Variants in GRM1 observed in about 807,000 individuals in gnomAD.
GRM1 encodes glutamate metabotropic receptor 1.
A neutral mutation model predicts 90.9 loss-of-function variants in GRM1; 33 were observed. The observed-to-expected ratio is 0.36, with a 90% CI of 0.28 to 0.49. GRM1 has a LOEUF of 0.49. Ranked by LOEUF, GRM1 falls within the 20% of genes least tolerant of loss-of-function variation. The probability of loss-of-function intolerance (pLI) is 0.99; values close to 1 mark genes in which losing one functional copy is unlikely to be tolerated. For missense variants in GRM1, 1,190 were observed against 1,534.3 expected, an observed-to-expected ratio of 0.78 and a Z score of 3.75; for synonymous variants, 700 against 613.2, an observed-to-expected ratio of 1.14 and a Z score of -2.09.
At chr6:146,379,121 A>G (rs932325043) in intron 5 of GRM1, among the ~76,000 whole-genome samples, 3 of 152,106 alleles carry the variant, frequency 2.0e-5, no homozygotes, top group East Asian at 3.9e-4. Flanking sequence ...ATCTTACTCT[A>G]TATTTGGGAA....
At chr6:146,221,294 A>G (rs139982336) in intron 2 of GRM1, among the ~76,000 whole-genome samples, 1 of 152,190 alleles carries the variant, frequency 6.6e-6, no homozygotes, top group Non-Finnish European at 1.5e-5. Flanking sequence ...TGCACTCACC[A>G]ACCAATCCGT....
intron 2 of GRM1, among the ~76,000 whole-genome samples, chr6:146,169,259 A>C (rs1024730962): frequency 6.6e-6 from 1 of 152,112 alleles, no homozygotes; most frequent in African/African-American, 2.4e-5. Context: ...TTTCATCTCT[A>C]AAAGTTATAC....
rs1453368119 is a variant in GRM1 at position 146,140,137 on chromosome 6, CT to C, written c.701-19208del. On this transcript the variant is annotated intron_variant, in intron 1 of 7. Transcript: ENST00000282753. ...TCTTTCTTTCTTTCTTTCTTTCTTT[CT>C]TTCCTTCCTTCCTTCTTTCTCCTTC... 5.1e-4 allele frequency among the ~76,000 whole-genome samples: 63 copies of C among 122,778 alleles called. No homozygotes were observed. The East Asian group carries it at 5.2e-3, about 10-fold the overall frequency. The allele number at this position is 122,778 out of a possible 152,430, so 80.5% of individuals were successfully genotyped here.
intron 5 of GRM1, among the ~76,000 whole-genome samples, chr6:146,374,973 T>C (rs146810688): frequency 3.0e-4 from 46 of 152,140 alleles, no homozygotes; most frequent in African/African-American, 1.1e-3. Flanking sequence ...TCATTTAAAG[T>C]TTTTTTCTCT....
At chr6:146,080,155 G>A (rs919456256) in intron 1 of GRM1, among the ~76,000 whole-genome samples, 1 of 152,136 alleles carries the variant, frequency 6.6e-6, no homozygotes, top group Non-Finnish European at 1.5e-5. Context: ...CATTGGGGAT[G>A]GTGATTTGAC....
intron 1 of GRM1, among the ~76,000 whole-genome samples, chr6:146,043,903 T>A (rs1791225670): frequency 6.6e-6 from 1 of 151,090 alleles, no homozygotes; most frequent in African/African-American, 2.4e-5. Context: ...AGTTTTTTTT[T>A]AAACTGTGGA....
At chr6:146,059,061 ATCT>A (rs1286348867) in intron 1 of GRM1, among the ~76,000 whole-genome samples, 1 of 152,114 alleles carries the variant, frequency 6.6e-6, no homozygotes, top group African/African-American at 2.4e-5. Context: ...TTGAATTTTG[ATCT>A]TCTTTAGTGA....
chr6:146,366,815 G>T (rs1026033484), intron 5 of GRM1, among the ~76,000 whole-genome samples: 3 of 152,034 alleles, frequency 2.0e-5, no homozygotes, highest in Non-Finnish European at 2.9e-5. Flanking sequence ...TTGTTGAATG[G>T]ATAGTTTGCA....
At chr6:146,228,793 C>T (rs747931952) in intron 2 of GRM1, among the ~76,000 whole-genome samples, 7 of 152,122 alleles carry the variant, frequency 4.6e-5, no homozygotes, top group Non-Finnish European at 7.3e-5. Context: ...ATTCCTGTAG[C>T]TTCTCCAATT....
At chr6:146,266,198 T>A (rs181305708) in intron 2 of GRM1, among the ~76,000 whole-genome samples, 309 of 151,924 alleles carry the variant, frequency 2.0e-3, no homozygotes, top group African/African-American at 7.1e-3. Flanking sequence ...AAAAAAAAAA[T>A]ACATATTAGA....
intron 5 of GRM1, among the ~76,000 whole-genome samples, chr6:146,365,762 C>T (rs562087061): frequency 2.6e-5 from 4 of 152,132 alleles, no homozygotes; most frequent in Non-Finnish European, 5.9e-5. Context: ...TTAGCGGGAC[C>T]TTACCTGACC....
chr6:146,424,615 G>A (rs193193725), intron 7 of GRM1, among the ~76,000 whole-genome samples: 1 of 152,380 alleles, frequency 6.6e-6, no homozygotes, highest in Middle Eastern at 3.4e-3. Context: ...AACATCAAGT[G>A]CAGGGCTCTT....
At chr6:146,242,979 A>G (rs1013094056) in intron 2 of GRM1, among the ~76,000 whole-genome samples, 1 of 152,150 alleles carries the variant, frequency 6.6e-6, no homozygotes, top group African/African-American at 2.4e-5. Flanking sequence ...GCTATAACCC[A>G]TGTACTTCAA....
At chr6:146,208,869 G>A (rs1779581995) in intron 2 of GRM1, among the ~76,000 whole-genome samples, 1 of 151,908 alleles carries the variant, frequency 6.6e-6, no homozygotes, top group African/African-American at 2.4e-5. Context: ...AAACAGCATA[G>A]TTTATTTCTT....
chr6:146,161,871 A>G lies in GRM1; in HGVS notation c.950+2274A>G, dbSNP rs116560868. 5.4e-3 allele frequency among the ~76,000 whole-genome samples: 819 copies of G among 152,312 alleles called. 6 individuals carry two copies. The highest frequency in any genetic ancestry group is 0.019 in the African/African-American group (783 of 41,568). On this transcript the variant is annotated intron_variant, in intron 2 of 7. Transcript: ENST00000282753. The stretch of plus-strand genomic sequence containing the variant: ...CCATGACATTCAGATATGAGTTCAT[A>G]AGGAGCTGAGCTGGGGACAGAGCCA...
intron 2 of GRM1, among the ~76,000 whole-genome samples, chr6:146,189,951 T>C (rs1235929290): frequency 6.6e-6 from 1 of 152,190 alleles, no homozygotes; most frequent in Admixed American, 6.5e-5. Flanking sequence ...ACCAGAATTC[T>C]ATGTTACAGT....
chr6:146,246,584 T>A (rs548247053), intron 2 of GRM1, among the ~76,000 whole-genome samples: 1 of 152,328 alleles, frequency 6.6e-6, no homozygotes, highest in South Asian at 2.1e-4. Flanking sequence ...AGACTCTCAC[T>A]GAGAGTGGGA....
rs1778390791 is a variant in GRM1, at chr6:146,431,139, G to T, written c.2661-2733G>T. On this transcript the variant is annotated intron_variant, in intron 7 of 7. Transcript: ENST00000282753. ...GCAGTTTATTTTATCCTTGAAAAAA[G>T]ATTACACTAATTTTCTTAATCTGAT... 2.6e-5 allele frequency among the ~76,000 whole-genome samples: 4 copies of T among 152,086 alleles called. No homozygotes were observed. The South Asian group carries it at 8.3e-4, about 32-fold the overall frequency.
At chr6:146,203,215 A>G (rs988253138) in intron 2 of GRM1, among the ~76,000 whole-genome samples, 1 of 151,272 alleles carries the variant, frequency 6.6e-6, no homozygotes, top group Admixed American at 6.6e-5. Context: ...AAATAAATAA[A>G]TAAATAAATA....
Sources: allele counts gnomAD v4.1 joint callset (sites outside exome capture counted in the v4.1 genomes callset), GRCh38; gene constraint gnomAD v4.1.1; transcripts MANE v1.5; gene names NCBI Gene and HGNC (gene_info 2026-07-23, HGNC 2026-07-21).